GPHN: variants seen among roughly 807,000 people sequenced by gnomAD.
The protein encoded by GPHN is gephyrin.
Under a neutral mutation model 95.5 loss-of-function variants are expected in GPHN, and 17 were observed. That is an observed-to-expected ratio of 0.18 (90% CI 0.12 to 0.27). The LOEUF (loss-of-function observed/expected upper bound fraction) is 0.27, where lower values mean the gene tolerates loss of function less well. Among genes scored for constraint, GPHN ranks in the 10% least tolerant of loss-of-function variants. GPHN has a pLI of 1.00. For synonymous variants in GPHN, 320 were observed against 322.5 expected (o/e 0.99, Z 0.08); for missense variants, 660 against 978.1 (o/e 0.67, Z 4.34).
intron 1 of GPHN, among the ~76,000 whole-genome samples, chr14:66,679,861 C>G (rs2066836750): frequency 6.6e-6 from 1 of 152,098 alleles, no homozygotes; most frequent in Admixed American, 6.6e-5. Flanking sequence ...AAGTCCTTGT[C>G]TTCTAACTCT....
At chr14:67,213,649 G>A in the GPHN span, among the ~76,000 whole-genome samples, 1 of 152,122 alleles carries the variant, frequency 6.6e-6, no homozygotes, top group Non-Finnish European at 1.5e-5. Flanking sequence ...CTTTATAGCA[G>A]CATGATTTAT....
intron 8 of GPHN, among the ~76,000 whole-genome samples, chr14:66,927,698 T>C (rs1328972594): frequency 6.6e-6 from 1 of 152,204 alleles, no homozygotes; most frequent in Non-Finnish European, 1.5e-5. Context: ...GCTTTTATTA[T>C]GTTGAGGAAC....
chr14:66,923,977 T>C (rs1232241734), intron 7 of GPHN, among the ~76,000 whole-genome samples: 2 of 152,102 alleles, frequency 1.3e-5, no homozygotes, highest in Non-Finnish European at 2.9e-5. Context: ...TTTCCTTTAC[T>C]CTGAATTAAA....
At chr14:67,495,362 G>A in the GPHN span, among the ~76,000 whole-genome samples, 17 of 152,136 alleles carry the variant, frequency 1.1e-4, no homozygotes, top group African/African-American at 3.9e-4. Context: ...GCCAGAAGAC[G>A]GGGTTAAACT....
the GPHN span, chr14:67,383,455 G>A: frequency 1.2e-6 from 2 of 1,611,950 alleles, no homozygotes; most frequent in Middle Eastern, 1.7e-4. Flanking sequence ...GTGGGAAACA[G>A]AGTCCAATTT....
intron 2 of GPHN, among the ~76,000 whole-genome samples, chr14:66,727,578 G>A (rs924117558): frequency 1.3e-5 from 2 of 152,178 alleles, no homozygotes; most frequent in Admixed American, 6.5e-5. Flanking sequence ...GTTGGGAACT[G>A]GAGAAAAGGT....
chr14:66,742,646 G>A (rs548878722), intron 2 of GPHN, among the ~76,000 whole-genome samples: 82 of 152,260 alleles, frequency 5.4e-4, no homozygotes, highest in African/African-American at 1.9e-3. Context: ...AAGCCATGCT[G>A]TTCTATTAAA....
intron 1 of GPHN, among the ~76,000 whole-genome samples, chr14:66,616,593 C>T (rs752057565): frequency 6.6e-6 from 1 of 152,114 alleles, no homozygotes; most frequent in Non-Finnish European, 1.5e-5. Context: ...CCTGCTCCTT[C>T]TTCTGGGATC....
At position 66,808,555 on chromosome 14, in the gene GPHN, C is replaced by G. The variant is rs573535915; in HGVS notation, c.202-15919C>G. 2.0e-5 allele frequency among the ~76,000 whole-genome samples: 3 copies of G among 152,324 alleles called. No individual in the cohort carries two copies. In the East Asian group the frequency reaches 5.8e-4, roughly 29 times the overall value. ...GTGGCTCACGCCTGTAATCCCAACA[C>G]TTTGGGAGGCCGAGGCGAGGATTAC... On this transcript the variant is annotated intron_variant, in intron 3 of 22. Transcript: ENST00000478722.
At chr14:67,330,007 A>G in the GPHN span, among the ~76,000 whole-genome samples, 1 of 151,124 alleles carries the variant, frequency 6.6e-6, no homozygotes. Flanking sequence ...TAAAGATGTG[A>G]TTTTTTTCTT....
chr14:66,629,985 G>A (rs114980477), intron 1 of GPHN, among the ~76,000 whole-genome samples: 1,906 of 152,162 alleles, frequency 0.013, 26 homozygotes, highest in African/African-American at 0.042. Flanking sequence ...GATGTTAACC[G>A]TAACATTAGC....
At chr14:66,879,439 TC>T in intron 4 of GPHN, among the ~76,000 whole-genome samples, 1 of 152,000 alleles carries the variant, frequency 6.6e-6, no homozygotes, top group East Asian at 1.9e-4. Context: ...GTAGAATTTT[TC>T]CTCTAGCCAG....
At chr14:66,512,754 C>A (rs2058088394) in intron 1 of GPHN, among the ~76,000 whole-genome samples, 1 of 151,650 alleles carries the variant, frequency 6.6e-6, no homozygotes, top group Non-Finnish European at 1.5e-5. Context: ...AAAAAACAAG[C>A]TTGAGCCAAG....
chr14:67,119,473 TG>T (rs1203937404), intron 16 of GPHN, among the ~76,000 whole-genome samples: 4 of 152,002 alleles, frequency 2.6e-5, no homozygotes, highest in Non-Finnish European at 4.4e-5. Context: ...TTGGGAAGAG[TG>T]GGCTACAAAG....
At chr14:67,287,724 AG>A in the GPHN span, among the ~76,000 whole-genome samples, 1 of 152,260 alleles carries the variant, frequency 6.6e-6, no homozygotes, top group African/African-American at 2.4e-5. Context: ...ATTGGAAAAT[AG>A]GTTGCAAAAC....
chr14:66,699,280 A>T (rs1011252539), intron 2 of GPHN, among the ~76,000 whole-genome samples: 4 of 152,130 alleles, frequency 2.6e-5, no homozygotes, highest in African/African-American at 4.8e-5. Context: ...CAGCACACCA[A>T]CATGGCACAT....
In GPHN at chr14:66,852,978, A is replaced by G. The variant is rs76843253; in HGVS notation, c.295-26961A>G. The stretch of plus-strand genomic sequence containing the variant: ...TAAATGAGGGTAATTTATTCATTGT[A>G]TAATCAGTGCTTTTTGCATTAATTG... On this transcript the variant is annotated intron_variant, in intron 4 of 22. Coordinates refer to ENST00000478722, the MANE Select transcript of GPHN (RefSeq NM_020806.5). Among the ~76,000 whole-genome samples, 459 of 152,324 alleles carry G rather than the reference A, an allele frequency of 3.0e-3. 3 individuals carry two copies. Among genetic ancestry groups the G allele is most frequent in the African/African-American group, 0.011 (441 of 41,578 alleles).
the GPHN span, among the ~76,000 whole-genome samples, chr14:67,716,178 C>T: frequency 1.4e-5 from 2 of 141,742 alleles, no homozygotes; most frequent in South Asian, 2.2e-4. Context: ...GCCTGGACGA[C>T]AGAGTGAGAC....
intron 2 of GPHN, among the ~76,000 whole-genome samples, chr14:66,741,066 A>T (rs1399033129): frequency 6.6e-6 from 1 of 152,178 alleles, no homozygotes; most frequent in East Asian, 1.9e-4. Context: ...AAGCCCTTTT[A>T]TAATTGACAT....
Sources: gnomAD v4.1 joint callset for allele counts (sites outside exome capture counted in the v4.1 genomes callset) on GRCh38, gnomAD v4.1.1 for gene constraint, MANE v1.5 for transcripts, NCBI Gene and HGNC (gene_info 2026-07-23, HGNC 2026-07-21) for gene names.